TNS1: variants seen among roughly 807,000 people sequenced by gnomAD.
TNS1 encodes tensin 1.
TNS1 carries 62 observed loss-of-function variants against 168.6 expected under a neutral mutation model. The observed-to-expected ratio is 0.37, with a 90% CI of 0.30 to 0.45. The LOEUF (loss-of-function observed/expected upper bound fraction) is 0.45, where lower values mean the gene tolerates loss of function less well. Ranked by LOEUF, TNS1 falls within the 20% of genes least tolerant of loss-of-function variation. The pLI is 1.00. For synonymous variants in TNS1, 934 were observed against 933.2 expected, an observed-to-expected ratio of 1.00 and a Z score of -0.02; for missense variants, 2,240 against 2,339.4, an observed-to-expected ratio of 0.96 and a Z score of 0.88.
chr2:218,006,223 G>A (rs1397248775), upstream of TNS1, among the ~76,000 whole-genome samples: 1 of 152,240 alleles, frequency 6.6e-6, no homozygotes, highest in Non-Finnish European at 1.5e-5. Context: ...TGGAGCCAAG[G>A]CAGAAGGAAG....
chr2:218,027,298 C>T (rs1199547960), intron 1 of TNS1, among the ~76,000 whole-genome samples: 1 of 152,042 alleles, frequency 6.6e-6, no homozygotes, highest in East Asian at 1.9e-4. Context: ...AAAGCCCAAA[C>T]TCTTCAGCTT....
At chr2:217,971,546 G>A (rs1004981914) in intron 3 of TNS1, among the ~76,000 whole-genome samples, 1 of 152,178 alleles carries the variant, frequency 6.6e-6, no homozygotes, top group Non-Finnish European at 1.5e-5. Flanking sequence ...TGAACAAGTC[G>A]TCTTTTTACA....
At chr2:217,918,843 C>A (rs927422945) in intron 4 of TNS1, among the ~76,000 whole-genome samples, 1 of 152,142 alleles carries the variant, frequency 6.6e-6, no homozygotes, top group Admixed American at 6.5e-5. Context: ...ACTCCACCCC[C>A]CAGCCCCCGC....
At chr2:218,011,198 CT>C (rs1218628353), upstream of TNS1, among the ~76,000 whole-genome samples, 1 of 152,158 alleles carries the variant, frequency 6.6e-6, no homozygotes, top group Non-Finnish European at 1.5e-5. Flanking sequence ...GGATGGGGCC[CT>C]CTCAGGAATA....
At chr2:217,987,903 T>C (rs1374031219) in intron 2 of TNS1, among the ~76,000 whole-genome samples, 1 of 152,090 alleles carries the variant, frequency 6.6e-6, no homozygotes, top group Non-Finnish European at 1.5e-5. Context: ...AGGGGAACTA[T>C]CAACCTCATG....
chr2:217,924,363 A>G (rs1171853437), intron 3 of TNS1, among the ~76,000 whole-genome samples: 1 of 151,996 alleles, frequency 6.6e-6, no homozygotes, highest in Non-Finnish European at 1.5e-5. Context: ...TCCCACACTC[A>G]TATCTCTGCC....
chr2:217,836,889 G>A (rs1559201830), intron 19 of TNS1, among the ~76,000 whole-genome samples: 1 of 152,060 alleles, frequency 6.6e-6, no homozygotes, highest in Non-Finnish European at 1.5e-5. Context: ...CAGCTGAAGA[G>A]CAGACAGAGA....
chr2:217,930,159 G>T (rs971480728), intron 3 of TNS1, among the ~76,000 whole-genome samples: 1 of 152,178 alleles, frequency 6.6e-6, no homozygotes, highest in East Asian at 1.9e-4. Flanking sequence ...CATTCAATAC[G>T]GCGCACTCTG....
chr2:217,948,265 T>C lies in TNS1; in HGVS notation c.187-28029A>G, dbSNP rs929381805. On this transcript the variant is annotated intron_variant, in intron 3 of 32. Transcript: ENST00000682258. This position sits in a 1 kb window ranked among gnomAD's most constrained non-coding sequence, Gnocchi z 4.1. ...GTGATGGGTGGGAAGTGTTAGTCTC[T>C]GGGGCAATTACTGGAGCCGCCTCCT... Among the ~76,000 whole-genome samples the C allele has an allele frequency of 5.3e-5, 8 of 152,180 alleles. No homozygotes were observed. The highest frequency in any genetic ancestry group is 2.6e-4 in the Admixed American group (4 of 15,280).
At chr2:217,867,907 C>T (rs1012556444) in intron 18 of TNS1, among the ~76,000 whole-genome samples, 1 of 152,256 alleles carries the variant, frequency 6.6e-6, no homozygotes, top group African/African-American at 2.4e-5. Context: ...ATCACCCTTA[C>T]TCTGCTCCAT....
At chr2:217,920,156 G>T (rs1289892277) in intron 4 of TNS1, 39 bp downstream of exon 4, 3 of 702,890 alleles carry the variant, frequency 4.3e-6, no homozygotes, top group Non-Finnish European at 7.8e-6. Context: ...GGAGGGAGAG[G>T]AGGCAGGGCT....
intron 3 of TNS1, among the ~76,000 whole-genome samples, chr2:217,957,350 T>C (rs983533585): frequency 2.0e-5 from 3 of 152,162 alleles, no homozygotes; most frequent in Admixed American, 1.3e-4. Flanking sequence ...TGTCTCTGCA[T>C]ACACACCCAG....
Position 217,848,919 on chromosome 2 carries a change from T to A in TNS1, c.1598A>T (p.Asn533Ile). The A allele has an allele frequency of 6.2e-7, 1 of 1,613,820 alleles. No individual in the cohort carries two copies. Among genetic ancestry groups the A allele is most frequent in the Non-Finnish European group, 8.5e-7 (1 of 1,179,928 alleles). The change falls in exon 19 of 33, where the codon AAC (asparagine) becomes ATC (isoleucine). Residue 533 changes from asparagine (N) to isoleucine (I), a missense_variant. Transcript: ENST00000682258. ...GTCGGTCTTGGTGGAGGCTGTGGAG[T>A]TGCCCGAGTCGCTGCTCACAGAAAG... ...HTLSVSSDSG[N>I]STASTKTDKT...
intron 32 of TNS1, among the ~76,000 whole-genome samples, chr2:217,806,438 A>T (rs1254681853): frequency 6.6e-6 from 1 of 152,090 alleles, no homozygotes; most frequent in Admixed American, 6.5e-5. Flanking sequence ...CACCCATCAA[A>T]GCTTCTTCAG....
At chr2:217,812,493 GA>G in intron 27 of TNS1, 48 bp from the exon 28 acceptor site, 1 of 1,530,122 alleles carries the variant, frequency 6.5e-7, no homozygotes, top group Non-Finnish European at 9.0e-7. Context: ...CTGGAAGCCA[GA>G]AGGGAAACCT....
intron 6 of TNS1, among the ~76,000 whole-genome samples, chr2:217,905,828 G>A (rs1575030437): frequency 1.3e-5 from 2 of 152,330 alleles, no homozygotes; most frequent in Admixed American, 1.3e-4. Context: ...CAAAATGGGA[G>A]GCAGGAGGAG....
At chr2:217,853,707 C>T (rs893766646) in intron 18 of TNS1, among the ~76,000 whole-genome samples, 3 of 152,168 alleles carry the variant, frequency 2.0e-5, no homozygotes, top group African/African-American at 7.2e-5. Context: ...ACTCCACCCT[C>T]GATGCTGAGC....
intron 18 of TNS1, among the ~76,000 whole-genome samples, chr2:217,856,158 G>A (rs1209088646): frequency 6.6e-6 from 1 of 152,228 alleles, no homozygotes; most frequent in East Asian, 1.9e-4. Flanking sequence ...CATGGAGAAT[G>A]CCAGGCTCCA....
chr2:217,836,270 C>A, intron 19 of TNS1, 59 bp from the exon 20 acceptor site: 1 of 1,505,330 alleles, frequency 6.6e-7, no homozygotes, highest in South Asian at 1.3e-5. Flanking sequence ...AATGATCAAT[C>A]GGCCTAATCC....
Sources: gnomAD v4.1 joint callset for allele counts (sites outside exome capture counted in the v4.1 genomes callset) on GRCh38, gnomAD v4.1.1 for gene constraint, Gnocchi (gnomAD v3.1) non-coding constraint, MANE v1.5 for transcripts, NCBI Gene and HGNC (gene_info 2026-07-23, HGNC 2026-07-21) for gene names.